IQSEC3: variants seen among roughly 807,000 people sequenced by gnomAD.
IQSEC3 encodes IQ motif and Sec7 domain ArfGEF 3.
In IQSEC3, 50 loss-of-function variants were observed where a neutral mutation model predicts 105.4. The observed-to-expected ratio is 0.47, with a 90% CI of 0.38 to 0.60. IQSEC3 has a LOEUF of 0.60. Among genes scored for constraint, IQSEC3 ranks in the 20% least tolerant of loss-of-function variants. The pLI is 0.00. For missense variants in IQSEC3, 1,415 were observed against 1,630.0 expected, an observed-to-expected ratio of 0.87 and a Z score of 2.27; for synonymous variants, 708 against 746.0, an observed-to-expected ratio of 0.95 and a Z score of 0.83.
intron 5 of IQSEC3, chr12:148,770 A>T (rs7135530): frequency 1.3e-5 from 2 of 152,150 alleles, no homozygotes; most frequent in African/African-American, 4.8e-5. Flanking sequence ...GGTGGTTTAG[A>T]TTTCCTTCCT....
chr12:157,255 C>A, intron 6 of IQSEC3, 108 bp downstream of exon 6: 1 of 1,382,916 alleles, frequency 7.2e-7, no homozygotes. Flanking sequence ...GGACATTGGG[C>A]CAGAAACACC....
At chr12:143,022 C>T (rs1020811184) in intron 5 of IQSEC3, among the ~76,000 whole-genome samples, 12 of 152,208 alleles carry the variant, frequency 7.9e-5, no homozygotes, top group Admixed American at 1.3e-4. Flanking sequence ...ATGTGGCCTG[C>T]GCCCTAAATT....
chr12:142,867 GTCCA>G (rs1866089302), intron 5 of IQSEC3, among the ~76,000 whole-genome samples: 1 of 152,130 alleles, frequency 6.6e-6, no homozygotes, highest in South Asian at 2.1e-4. Context: ...TGTTGTCCCA[GTCCA>G]TCCCTTCCCA....
chr12:137,142 T>A (rs1865798290), intron 3 of IQSEC3, among the ~76,000 whole-genome samples: 1 of 148,646 alleles, frequency 6.7e-6, no homozygotes, highest in Non-Finnish European at 1.5e-5. Flanking sequence ...GGGACCCCCA[T>A]TCTTGAGACA....
At chr12:151,800 C>T (rs1437022684) in intron 5 of IQSEC3, among the ~76,000 whole-genome samples, 6 of 152,254 alleles carry the variant, frequency 3.9e-5, no homozygotes, top group East Asian at 3.9e-4. Context: ...TCCTCCCTGC[C>T]GTGAGCCTTT....
chr12:171,567 C>G (rs988215327), intron 13 of IQSEC3: 35 of 583,492 alleles, frequency 6.0e-5, no homozygotes, highest in African/African-American at 6.0e-4. Context: ...GTCCTCCCAC[C>G]ATCCATAGCG....
chr12:174,242 A>G (rs1390334334), intron 13 of IQSEC3, among the ~76,000 whole-genome samples: 2 of 152,136 alleles, frequency 1.3e-5, no homozygotes, highest in African/African-American at 4.8e-5. Flanking sequence ...GGCAAAGACT[A>G]TAACCCCTGC....
chr12:141,454 C>T (rs563681798), intron 5 of IQSEC3, 169 bp downstream of exon 5: 32 of 663,770 alleles, frequency 4.8e-5, no homozygotes, highest in African/African-American at 1.6e-4. Flanking sequence ...CCCAGTGGGC[C>T]GGAGCCCTGT....
chr12:96,952 C>T (rs1456356478), intron 1 of IQSEC3, among the ~76,000 whole-genome samples: 5 of 152,220 alleles, frequency 3.3e-5, no homozygotes, highest in African/African-American at 1.2e-4. Context: ...TCTCCACAGC[C>T]TCACCAGCAC....
At chr12:151,434 T>A (rs1866505940) in intron 5 of IQSEC3, among the ~76,000 whole-genome samples, 1 of 152,192 alleles carries the variant, frequency 6.6e-6, no homozygotes, top group Non-Finnish European at 1.5e-5. Flanking sequence ...AAGATGCAGC[T>A]GGATCATTCA....
intron 9 of IQSEC3, 79 bp from the exon 10 acceptor site, chr12:165,355 C>A: frequency 4.8e-6 from 5 of 1,050,034 alleles, no homozygotes; most frequent in Non-Finnish European, 7.4e-6. Context: ...TGTGATCGTG[C>A]ATCCCCCGGG....
chr12:75,232 G>T lies in IQSEC3; in HGVS notation c.554+7796G>T, dbSNP rs868982202. On this transcript the variant is annotated intron_variant, in intron 1 of 13. Coordinates refer to ENST00000538872, the MANE Select transcript of IQSEC3 (RefSeq NM_001170738.2). Reference sequence around the variant, plus strand: ...GGTTTGGTAAGAAGGGAGGATACTGGGGTAGCAGTGGTTAACTAAAGGCCA... The same window carrying T: ...GGTTTGGTAAGAAGGGAGGATACTGTGGTAGCAGTGGTTAACTAAAGGCCA... Among the ~76,000 whole-genome samples, 1,332 of 151,476 alleles carry T rather than the reference G, an allele frequency of 8.8e-3. 3 individuals carry two copies. Among genetic ancestry groups the T allele is most frequent in the Middle Eastern group, 0.031 (9 of 286 alleles).
At chr12:154,061 C>A (rs936353951) in intron 5 of IQSEC3, among the ~76,000 whole-genome samples, 1 of 152,174 alleles carries the variant, frequency 6.6e-6, no homozygotes, top group Non-Finnish European at 1.5e-5. Flanking sequence ...AGCTCCACAG[C>A]CCAAGTGTCC....
In IQSEC3 at chr12:165,007, GCAT is replaced by G. The variant is rs1867099854; in HGVS notation, c.2710-426_2710-424del. Reference sequence around the variant, plus strand: ...CCAGGAAGGCATCTCTAAGGAGGTAGCATTTGAGACTTAAGTAATGAGAGTAAT... The same window carrying G: ...CCAGGAAGGCATCTCTAAGGAGGTAGTTGAGACTTAAGTAATGAGAGTAAT... On this transcript the variant is annotated intron_variant, in intron 9 of 13. Coordinates refer to ENST00000538872, the MANE Select transcript of IQSEC3 (RefSeq NM_001170738.2). 1.1e-4 allele frequency among the ~76,000 whole-genome samples: 16 copies of G among 152,340 alleles called. No homozygotes were observed. In the South Asian group the frequency reaches 3.3e-3, roughly 32 times the overall value.
At chr12:103,687 GTAGGT>G (rs1864522504) in intron 2 of IQSEC3, among the ~76,000 whole-genome samples, 1 of 32,168 alleles carries the variant, frequency 3.1e-5, no homozygotes. Context: ...GGGCTCAGGG[GTAGGT>G]GGGGGCTCAG....
intron 7 of IQSEC3, 83 bp downstream of exon 7, chr12:157,777 GC>G: frequency 6.9e-7 from 1 of 1,451,402 alleles, no homozygotes; most frequent in South Asian, 1.3e-5. Context: ...GTGAGTCTGA[GC>G]CCCTATCACA....
At chr12:116,940 G>T (rs79215187) in intron 2 of IQSEC3, among the ~76,000 whole-genome samples, 1 of 152,190 alleles carries the variant, frequency 6.6e-6, no homozygotes, top group Non-Finnish European at 1.5e-5. Flanking sequence ...GGCTTCAAAC[G>T]TGCTCTTTCT....
chr12:146,966 T>G (rs1555091228), intron 5 of IQSEC3, among the ~76,000 whole-genome samples: 1 of 152,206 alleles, frequency 6.6e-6, no homozygotes, highest in East Asian at 1.9e-4. Flanking sequence ...AGTCAACAGT[T>G]GTGAGAGTTT....
At chr12:107,930 C>T (rs1864736288) in intron 2 of IQSEC3, among the ~76,000 whole-genome samples, 1 of 152,176 alleles carries the variant, frequency 6.6e-6, no homozygotes, top group Admixed American at 6.5e-5. Flanking sequence ...GAGCACCCAC[C>T]TCCCATCCTC....
Sources: allele counts gnomAD v4.1 joint callset (sites outside exome capture counted in the v4.1 genomes callset), GRCh38; gene constraint gnomAD v4.1.1; transcripts MANE v1.5; gene names NCBI Gene and HGNC (gene_info 2026-07-23, HGNC 2026-07-21).